The following SLC12A6 variants were observed in gnomAD, a reference collection of about 807,000 sequenced individuals.
The protein encoded by SLC12A6 is K-Cl cotransporter 3.
A neutral mutation model predicts 135.3 loss-of-function variants in SLC12A6; 66 were observed. That is an observed-to-expected ratio of 0.49 (90% CI 0.40 to 0.60). SLC12A6 has a LOEUF of 0.60. SLC12A6 is among the 20% of genes least tolerant of loss of function. SLC12A6 has a pLI of 0.00. For missense variants in SLC12A6, 1,058 were observed against 1,452.3 expected, an observed-to-expected ratio of 0.73 and a Z score of 4.41; for synonymous variants, 513 against 508.8, an observed-to-expected ratio of 1.01 and a Z score of -0.11.
At chr15:34,260,745 ATAGT>A (rs766886357) in intron 4 of SLC12A6, among the ~76,000 whole-genome samples, 177 bp downstream of exon 4, 4 of 152,212 alleles carry the variant, frequency 2.6e-5, no homozygotes, top group Non-Finnish European at 1.5e-5. Context: ...ATTTGATTTA[ATAGT>A]TACTCACTAT....
intron 2 of SLC12A6, chr15:34,314,680 A>T (rs1165846041): frequency 6.6e-6 from 1 of 152,650 alleles, no homozygotes; most frequent in Non-Finnish European, 1.5e-5. Context: ...TCTAGACGGC[A>T]TTAAGAACAT....
At chr15:34,274,597 G>A (rs144832878) in intron 3 of SLC12A6, among the ~76,000 whole-genome samples, 77 of 152,158 alleles carry the variant, frequency 5.1e-4, no homozygotes, top group African/African-American at 1.8e-3. Flanking sequence ...GGCGGATCAC[G>A]AGGTCAGGAG....
rs139374342 is a variant in SLC12A6 at position 34,297,023 on chromosome 15, T to C, written c.272-21634A>G. 3.4e-3 allele frequency among the ~76,000 whole-genome samples: 518 copies of C among 152,324 alleles called. 2 individuals carry two copies. Among genetic ancestry groups the C allele is most frequent in the Non-Finnish European group, 5.8e-3 (393 of 68,036 alleles). On this transcript the variant is annotated intron_variant, in intron 2 of 25. Transcript: ENST00000354181. ...ATTTTCTACTAAACATCTTGATAAG[T>C]TTTAACTGATTCTACCTTCTCCCCT...
intron 2 of SLC12A6, among the ~76,000 whole-genome samples, chr15:34,308,143 T>C (rs1441619115): frequency 1.3e-5 from 2 of 152,204 alleles, no homozygotes; most frequent in African/African-American, 4.8e-5. Flanking sequence ...ATATTAAAAT[T>C]CAATTATTTC....
intron 2 of SLC12A6, among the ~76,000 whole-genome samples, chr15:34,319,302 AT>A (rs576167030): frequency 3.4e-5 from 5 of 147,564 alleles, no homozygotes; most frequent in Admixed American, 6.8e-5. Flanking sequence ...TGCCCAGCTA[AT>A]TTTTTTTTTG....
At position 34,336,595 on chromosome 15, in the gene SLC12A6, G is replaced by A. The variant is rs1890215060; in HGVS notation, c.86C>T (p.Ser29Leu). ...PTKIDDIPGL[S>L]DTSPDLSSRS... ...AGAGCTGAGGTCCGGACTGGTGTCT[G>A]ACAAACCTGGAATGTCATCGATCTT... The change falls in exon 2 of 26, where the codon TCA becomes TTA. Residue 29 changes from serine to leucine, a missense_variant. This residue lies in a region of SLC12A6 where 176 missense variants were observed against 168.9 expected (regional missense o/e 1.04). Coordinates refer to ENST00000354181, the MANE Select transcript of SLC12A6 (RefSeq NM_001365088.1). 6.2e-7 allele frequency: 1 copy of A among 1,613,698 alleles called. No individual in the cohort carries two copies. Among genetic ancestry groups the A allele is most frequent in the Non-Finnish European group, 8.5e-7 (1 of 1,179,698 alleles).
chr15:34,279,184 G>A (rs1194605026), intron 2 of SLC12A6, among the ~76,000 whole-genome samples: 1 of 151,810 alleles, frequency 6.6e-6, no homozygotes, highest in African/African-American at 2.4e-5. Context: ...GCATGGTGAT[G>A]CGCCCCTGTA....
intron 2 of SLC12A6, among the ~76,000 whole-genome samples, chr15:34,290,044 T>C (rs1425219377): frequency 6.6e-6 from 1 of 152,194 alleles, no homozygotes; most frequent in Admixed American, 6.5e-5. Context: ...TGCTCTTGCT[T>C]CTCTAGTTCT....
intron 2 of SLC12A6, among the ~76,000 whole-genome samples, chr15:34,313,496 G>A (rs1230219811): frequency 6.6e-6 from 1 of 152,164 alleles, no homozygotes; most frequent in Non-Finnish European, 1.5e-5. Flanking sequence ...TGAGGTTTAA[G>A]GAAAGAAGAC....
At chr15:34,327,525 G>A (rs1178791239) in intron 2 of SLC12A6, among the ~76,000 whole-genome samples, 4 of 152,120 alleles carry the variant, frequency 2.6e-5, no homozygotes, top group African/African-American at 7.2e-5. Flanking sequence ...GGGCATGGTG[G>A]CATGCGCCTG....
At chr15:34,245,560 GA>G in intron 14 of SLC12A6, 132 bp downstream of exon 14, 3 of 928,486 alleles carry the variant, frequency 3.2e-6, no homozygotes, top group Non-Finnish European at 5.4e-6. Context: ...TCATGCTTGG[GA>G]TTTAGAGGTT....
intron 5 of SLC12A6, 73 bp from the exon 6 acceptor site, chr15:34,257,861 C>T: frequency 8.7e-6 from 9 of 1,033,008 alleles, no homozygotes; most frequent in Non-Finnish European, 1.2e-5. Context: ...TATGTAATAA[C>T]TTGCTCCCTA....
At chr15:34,251,810 G>C (rs763453890) in intron 10 of SLC12A6, among the ~76,000 whole-genome samples, 1 of 152,160 alleles carries the variant, frequency 6.6e-6, no homozygotes, top group Non-Finnish European at 1.5e-5. Context: ...GCTAAGTTAG[G>C]AAGATACATG....
chr15:34,254,109 T>C (rs993599922), intron 9 of SLC12A6, among the ~76,000 whole-genome samples: 1 of 152,174 alleles, frequency 6.6e-6, no homozygotes, highest in South Asian at 2.1e-4. Context: ...ATCTAATATC[T>C]GAACCTAAAT....
intron 9 of SLC12A6, among the ~76,000 whole-genome samples, chr15:34,252,591 GCAACCT>G (rs1460684788): frequency 6.6e-6 from 1 of 152,142 alleles, no homozygotes; most frequent in Non-Finnish European, 1.5e-5. Flanking sequence ...AATACTTACA[GCAACCT>G]CACAATGTAT....
intron 11 of SLC12A6, 27 bp downstream of exon 11, chr15:34,250,871 TA>T: frequency 6.3e-7 from 1 of 1,594,412 alleles, no homozygotes; most frequent in Non-Finnish European, 8.6e-7. Flanking sequence ...TGACAGCTTC[TA>T]AAATATACAA....
intron 13 of SLC12A6, among the ~76,000 whole-genome samples, chr15:34,250,031 A>G (rs1400430154): frequency 2.0e-5 from 3 of 152,118 alleles, no homozygotes; most frequent in Non-Finnish European, 4.4e-5. Context: ...CAGTCCCCCA[A>G]GTAGCCAGGA....
At chr15:34,310,078 G>A (rs145783888) in intron 2 of SLC12A6, among the ~76,000 whole-genome samples, 38 of 151,532 alleles carry the variant, frequency 2.5e-4, no homozygotes, top group African/African-American at 9.0e-4. Context: ...GCATGATAAC[G>A]GATTACTGCA....
At chr15:34,265,719 T>G (rs561985068) in intron 3 of SLC12A6, among the ~76,000 whole-genome samples, 12 of 152,316 alleles carry the variant, frequency 7.9e-5, no homozygotes, top group African/African-American at 2.9e-4. Context: ...TGTGAGCTGG[T>G]ATAAGCTGGC....
Sources: allele counts gnomAD v4.1 joint callset (sites outside exome capture counted in the v4.1 genomes callset), GRCh38; gene constraint gnomAD v4.1.1; regional missense constraint gnomAD v4.1.1; transcripts MANE v1.5; gene names NCBI Gene and HGNC (gene_info 2026-07-23, HGNC 2026-07-21).